GM2A: variants seen among roughly 807,000 people sequenced by gnomAD.
GM2A encodes the protein GM2 ganglioside activator.
GM2A carries 7 observed loss-of-function variants against 12.9 expected under a neutral mutation model. That is an observed-to-expected ratio of 0.54 (90% CI 0.31 to 1.02). GM2A has a LOEUF of 1.02. GM2A is among the 50% of genes least tolerant of loss of function. The probability of loss-of-function intolerance (pLI) is 0.05; values close to 1 mark genes in which losing one functional copy is unlikely to be tolerated. For synonymous variants in GM2A, 101 were observed against 96.0 expected, an observed-to-expected ratio of 1.05 and a Z score of -0.30; for missense variants, 246 against 241.0, an observed-to-expected ratio of 1.02 and a Z score of -0.14.
chr5:151,268,162 T>C lies in GM2A; in HGVS notation c.*711T>C, dbSNP rs1309666694. 1 of 470,422 alleles carries C rather than the reference T, an allele frequency of 2.1e-6. No homozygotes were observed. Among genetic ancestry groups the C allele is most frequent in the Non-Finnish European group, 2.4e-6 (1 of 421,402 alleles). The allele number at this position is 470,422 out of a possible 1,614,324, so 29.1% of individuals were successfully genotyped here. A position where few individuals can be genotyped will look rare whatever the true frequency, so the allele number is the denominator to read the frequency against. On this transcript the variant is annotated 3_prime_UTR_variant, in exon 4 of 4. Coordinates refer to ENST00000357164, the MANE Select transcript of GM2A (RefSeq NM_000405.5). ...TCCAGGCTTGATTTCGATTTTTCGC[T>C]TTTTTTTTTTTTGAGACAGAATCTC...
intron 1 of GM2A, among the ~76,000 whole-genome samples, chr5:151,258,177 A>G (rs1433567582): frequency 6.6e-6 from 1 of 152,254 alleles, no homozygotes; most frequent in Non-Finnish European, 1.5e-5. Flanking sequence ...AAGCTCAGGT[A>G]AAGGGGAAGT....
Position 151,259,936 on chromosome 5 carries a change from G to C in GM2A, c.243+20G>C. 6.2e-7 allele frequency: 1 copy of C among 1,607,690 alleles called. No individual in the cohort carries two copies. Among genetic ancestry groups the C allele is most frequent in the South Asian group, 1.1e-5 (1 of 90,868 alleles). On this transcript the variant is annotated intron_variant, in intron 2 of 3. Coordinates refer to ENST00000357164, the MANE Select transcript of GM2A (RefSeq NM_000405.5). ...CTGAAGGTGAGCCTGGGGGTGGGTG[G>C]AGAAGGGGAGGTGCGAGGGTCTGGC... is the stretch of plus-strand genomic sequence containing the variant.
chr5:151,267,668 A>G lies in GM2A; in HGVS notation c.*217A>G. The G allele has an allele frequency of 1.3e-6, 2 of 1,496,554 alleles. No homozygotes were observed. The highest frequency in any genetic ancestry group is 1.8e-6 in the Non-Finnish European group (2 of 1,121,640). The allele number at this position is 1,496,554 out of a possible 1,614,324, so 92.7% of individuals were successfully genotyped here. On this transcript the variant is annotated 3_prime_UTR_variant, in exon 4 of 4. Transcript: ENST00000357164. Reference sequence around the variant, plus strand: ...GAGAATGAGTTGGACAGTTCTTGATAGCCCAGGGCATCTGCTGGGCTGACC... The same window carrying G: ...GAGAATGAGTTGGACAGTTCTTGATGGCCCAGGGCATCTGCTGGGCTGACC...
At chr5:151,253,318 GA>G in intron 1 of GM2A, 21 bp downstream of exon 1, 1 of 1,581,306 alleles carries the variant, frequency 6.3e-7, no homozygotes, top group Non-Finnish European at 8.7e-7. Context: ...CCTCTTTTAA[GA>G]GTCTGTTTGC....
At chr5:151,258,710 A>G (rs1753739406) in intron 1 of GM2A, among the ~76,000 whole-genome samples, 1 of 152,148 alleles carries the variant, frequency 6.6e-6, no homozygotes, top group Non-Finnish European at 1.5e-5. Flanking sequence ...CCTTAATTCC[A>G]AAATTGGGCA....
At chr5:151,257,821 C>A (rs1012447302) in intron 1 of GM2A, among the ~76,000 whole-genome samples, 1 of 152,218 alleles carries the variant, frequency 6.6e-6, no homozygotes, top group African/African-American at 2.4e-5. Flanking sequence ...TGTCTGACTC[C>A]GCATCCTGCA....
At chr5:151,263,860 G>A (rs72794168) in intron 2 of GM2A, among the ~76,000 whole-genome samples, 11,088 of 152,228 alleles carry the variant, frequency 0.073, 503 homozygotes, top group Middle Eastern at 0.15. Flanking sequence ...TGATCTTGCT[G>A]TAGTGAAATT....
At chr5:151,266,447 C>CAAAAAAAAAAAAAAAA (rs59997121) in intron 2 of GM2A, among the ~76,000 whole-genome samples, 36 of 106,144 alleles carry the variant, frequency 3.4e-4, no homozygotes, top group Non-Finnish European at 6.1e-4. Flanking sequence ...AGCCATGATA[C>CAAAAAAAAAAAAAAAA]AAAAAAAAAA....
intron 1 of GM2A, among the ~76,000 whole-genome samples, chr5:151,257,714 A>G (rs1339722410): frequency 6.6e-6 from 1 of 152,084 alleles, no homozygotes; most frequent in Non-Finnish European, 1.5e-5. Flanking sequence ...TCCCTCATCT[A>G]CTACATTTAG....
At chr5:151,266,985 C>T (rs750045647) in intron 3 of GM2A, 72 bp downstream of exon 3, 9 of 1,196,998 alleles carry the variant, frequency 7.5e-6, no homozygotes, top group Non-Finnish European at 1.1e-5. Flanking sequence ...AGGGTCTTTG[C>T]ATTCTCCTTC....
rs1753976551 is a variant in GM2A, at chr5:151,269,971, T to C, written c.*2520T>C. 1 of 1,218,938 alleles carries C rather than the reference T, an allele frequency of 8.2e-7. No homozygotes were observed. The highest frequency in any genetic ancestry group is 1.0e-6 in the Non-Finnish European group (1 of 980,456). The allele number at this position is 1,218,938 out of a possible 1,614,324, so 75.5% of individuals were successfully genotyped here. A position where few individuals can be genotyped will look rare whatever the true frequency, so the allele number is the denominator to read the frequency against. On this transcript the variant is annotated 3_prime_UTR_variant, in exon 4 of 4. Coordinates refer to ENST00000357164, the MANE Select transcript of GM2A (RefSeq NM_000405.5). ...CACCTGGCAATGACCTCCACAGCCG[T>C]TTCCCTCTGTTGGATCTTCCAGCCT...
At chr5:151,267,254 A>G (rs1753905043) in intron 3 of GM2A, 42 bp from the exon 4 acceptor site, 1 of 1,613,866 alleles carries the variant, frequency 6.2e-7, no homozygotes, top group African/African-American at 1.3e-5. Flanking sequence ...AGACCCCATC[A>G]GTAGGCTCCC....
At position 151,253,240 on chromosome 5, in the gene GM2A, C is replaced by G. The variant is rs752323907; in HGVS notation, c.24C>G (p.Pro8=). 6.2e-7 allele frequency: 1 copy of G among 1,614,096 alleles called. No homozygotes were observed. The highest frequency in any genetic ancestry group is 8.5e-7 in the Non-Finnish European group (1 of 1,179,968). ...CGATGCAGTCCCTGATGCAGGCTCC[C>G]CTCCTGATCGCCCTGGGCTTGCTTC... MQSLMQA[P]LLIALGLLLA... is the part of the protein sequence containing the mutation. The change falls in exon 1 of 4, where the codon CCC becomes CCG. Residue 8 remains proline, a synonymous_variant. Coordinates refer to ENST00000357164, the MANE Select transcript of GM2A (RefSeq NM_000405.5).
In GM2A at chr5:151,268,954, A is replaced by G; in HGVS notation, c.*1503A>G. 1.0e-6 allele frequency: 1 copy of G among 985,418 alleles called. No individual in the cohort carries two copies. Among genetic ancestry groups the G allele is most frequent in the Non-Finnish European group, 1.2e-6 (1 of 829,928 alleles). The allele number at this position is 985,418 out of a possible 1,614,324, so 61.0% of individuals were successfully genotyped here. On this transcript the variant is annotated 3_prime_UTR_variant, in exon 4 of 4. Coordinates refer to ENST00000357164, the MANE Select transcript of GM2A (RefSeq NM_000405.5). The stretch of plus-strand genomic sequence containing the variant: ...CCGGTCCCAAGGACAAGGCTCTTCC[A>G]GTGCTAGGAGAGGTATGAGCAGCCT...
At chr5:151,259,133 G>C (rs1054233655) in intron 1 of GM2A, among the ~76,000 whole-genome samples, 3 of 152,136 alleles carry the variant, frequency 2.0e-5, no homozygotes, top group Non-Finnish European at 2.9e-5. Context: ...GAAGACACTG[G>C]TTAGGACTGG....
chr5:151,260,895 A>G (rs1307137250), intron 2 of GM2A, among the ~76,000 whole-genome samples: 2 of 152,144 alleles, frequency 1.3e-5, no homozygotes, highest in East Asian at 3.8e-4. Flanking sequence ...ACTTATACTC[A>G]TGGGATTATA....
Position 151,269,807 on chromosome 5 carries a change from C to A in GM2A, c.*2356C>A. On this transcript the variant is annotated 3_prime_UTR_variant, in exon 4 of 4. Coordinates refer to ENST00000357164, the MANE Select transcript of GM2A (RefSeq NM_000405.5). ...AAAATCCACCGTGGTACATTCAGTCCTCTCACCGAGGTGCCCCATGGCAGT... is the reference window on the plus strand; with the variant it reads ...AAAATCCACCGTGGTACATTCAGTCATCTCACCGAGGTGCCCCATGGCAGT... 4.8e-6 allele frequency: 1 copy of A among 206,830 alleles called. No individual in the cohort carries two copies. Among genetic ancestry groups the A allele is most frequent in the Non-Finnish European group, 8.8e-6 (1 of 114,166 alleles). 12.8% of individuals were successfully genotyped at this position (206,830 alleles called of 1,614,324 possible).
Position 151,269,002 on chromosome 5 carries a change from C to T in GM2A, c.*1551C>T. On this transcript the variant is annotated 3_prime_UTR_variant, in exon 4 of 4. Coordinates refer to ENST00000357164, the MANE Select transcript of GM2A (RefSeq NM_000405.5). ...CCTCTCACCTGTGAGCTGTGGGGAT[C>T]ACAAGGCTGCCTGCCTCAGTCTTGG... 1.0e-6 allele frequency: 1 copy of T among 985,464 alleles called. No homozygotes were observed. Among genetic ancestry groups the T allele is most frequent in the Non-Finnish European group, 1.2e-6 (1 of 829,970 alleles). 61.0% of individuals were successfully genotyped at this position (985,464 alleles called of 1,614,324 possible). A position where few individuals can be genotyped will look rare whatever the true frequency, so the allele number is the denominator to read the frequency against.
intron 2 of GM2A, among the ~76,000 whole-genome samples, chr5:151,261,531 C>T (rs1388747123): frequency 2.6e-5 from 4 of 152,284 alleles, no homozygotes; most frequent in East Asian, 1.9e-4. Flanking sequence ...CTCCACTTCC[C>T]GGGTTCAAGC....
Sources: allele counts gnomAD v4.1 joint callset (sites outside exome capture counted in the v4.1 genomes callset), GRCh38; gene constraint gnomAD v4.1.1; transcripts MANE v1.5; gene names NCBI Gene and HGNC (gene_info 2026-07-23, HGNC 2026-07-21).